TRPM6: variants seen among roughly 807,000 people sequenced by gnomAD.
The protein encoded by TRPM6 is channel kinase 2.
In TRPM6, 111 loss-of-function variants were observed where a neutral mutation model predicts 247.6. The observed-to-expected ratio is 0.45, with a 90% CI of 0.38 to 0.52. The LOEUF (loss-of-function observed/expected upper bound fraction) is 0.52. TRPM6 is among the 20% of genes least tolerant of loss of function. The probability of loss-of-function intolerance (pLI) is 0.00; values close to 1 mark genes in which losing one functional copy is unlikely to be tolerated. For missense variants in TRPM6, 2,126 were observed against 2,421.5 expected, an observed-to-expected ratio of 0.88 and a Z score of 2.56; for synonymous variants, 892 against 853.8, an observed-to-expected ratio of 1.04 and a Z score of -0.78.
chr9:74,787,552 G>A (rs1480188776), intron 20 of TRPM6, among the ~76,000 whole-genome samples: 5 of 151,802 alleles, frequency 3.3e-5, no homozygotes, highest in Non-Finnish European at 5.9e-5. Flanking sequence ...AGGCAACATA[G>A]GTATAATTAC....
At chr9:74,791,766 T>C (rs1827906910) in intron 19 of TRPM6, among the ~76,000 whole-genome samples, 1 of 152,026 alleles carries the variant, frequency 6.6e-6, no homozygotes, top group African/African-American at 2.4e-5. Context: ...GCTGATTTTC[T>C]TTTTTTTGAG....
At position 74,762,100 on chromosome 9, in the gene TRPM6, G is replaced by T. The variant is rs1403720401; in HGVS notation, c.4571C>A (p.Ser1524Tyr). Residue 1524 changes from serine (S) to tyrosine (Y), a missense_variant, in exon 26 of 39, where the codon TCC becomes TAC. This residue lies in a region of TRPM6 where 717 missense variants were observed against 715.9 expected (regional missense o/e 1.00). Coordinates refer to ENST00000360774, the MANE Select transcript of TRPM6 (RefSeq NM_017662.5). ...EVGPWLQPNT[S>Y]FWINPLRRYR... is the part of the protein sequence containing the mutation. ...TCTGCGGAGAGGATTGATCCAAAAGGATGTGTTTGGCTGAAGCCATGGTCC... is the reference window on the plus strand; with the variant it reads ...TCTGCGGAGAGGATTGATCCAAAAGTATGTGTTTGGCTGAAGCCATGGTCC... 1 of 1,614,056 alleles carries T rather than the reference G, an allele frequency of 6.2e-7. No individual in the cohort carries two copies. The highest frequency in any genetic ancestry group is 8.5e-7 in the Non-Finnish European group (1 of 1,180,032).
intron 11 of TRPM6, among the ~76,000 whole-genome samples, chr9:74,815,338 G>A (rs1174423811): frequency 1.3e-5 from 2 of 152,156 alleles, no homozygotes; most frequent in Non-Finnish European, 2.9e-5. Context: ...GAAATTCTGG[G>A]TGCTGGAAAC....
At chr9:74,726,494 G>A (rs1052998613) in intron 38 of TRPM6, among the ~76,000 whole-genome samples, 11 of 152,100 alleles carry the variant, frequency 7.2e-5, no homozygotes, top group African/African-American at 2.7e-4. Flanking sequence ...TGGATGACAA[G>A]AGCAAAACTC....
intron 4 of TRPM6, among the ~76,000 whole-genome samples, chr9:74,841,037 A>G (rs1829921143): frequency 6.6e-6 from 1 of 152,154 alleles, no homozygotes; most frequent in South Asian, 2.1e-4. Flanking sequence ...TAGAGCATGG[A>G]CATTTAATTT....
rs200618382 is a variant in TRPM6, at chr9:74,771,838, A to G, written c.3404-3T>C. On this transcript the variant is annotated splice_polypyrimidine_tract_variant and splice_region_variant and intron_variant, in intron 24 of 38. Coordinates refer to ENST00000360774, the MANE Select transcript of TRPM6 (RefSeq NM_017662.5). ...ATCCTCCTTACTGAGGTAGAGTTCT[A>G]TAGAAATAAGTATGAAACACAGAAA... 19 of 1,613,596 alleles carry G rather than the reference A, an allele frequency of 1.2e-5. No individual in the cohort carries two copies. Among genetic ancestry groups the G allele is most frequent in the Non-Finnish European group, 1.4e-5 (17 of 1,179,660 alleles).
At chr9:74,756,963 G>A (rs1421497988) in intron 27 of TRPM6, among the ~76,000 whole-genome samples, 4 of 151,624 alleles carry the variant, frequency 2.6e-5, no homozygotes, top group East Asian at 2.0e-4. Flanking sequence ...TTTGGGAGGT[G>A]AGGTGGGCAG....
intron 29 of TRPM6, among the ~76,000 whole-genome samples, chr9:74,751,482 T>C (rs1453879338): frequency 6.6e-6 from 1 of 152,244 alleles, no homozygotes; most frequent in East Asian, 1.9e-4. Context: ...CTTTCACAGA[T>C]GCTATTCCTA....
chr9:74,749,945 T>C (rs1005571818), intron 30 of TRPM6, among the ~76,000 whole-genome samples: 2 of 152,198 alleles, frequency 1.3e-5, no homozygotes, highest in African/African-American at 4.8e-5. Flanking sequence ...ATAGAGTAGA[T>C]GGTTTTGAAT....
Position 74,792,484 on chromosome 9 carries a change from C to T in TRPM6, c.2538+140G>A, listed in dbSNP as rs574963193. On this transcript the variant is annotated intron_variant, in intron 19 of 38. Transcript: ENST00000360774. ...TGCCTTCCTCCAGTCCTCTTTGCTA[C>T]CTACTTTGTCATGCCCTCACTTTTT... The T allele has an allele frequency of 1.7e-4, 154 of 886,488 alleles. No individual in the cohort carries two copies. The African/African-American group carries it at 2.2e-3, about 13-fold the overall frequency. The allele number at this position is 886,488 out of a possible 1,614,324, so 54.9% of individuals were successfully genotyped here.
At chr9:74,741,852 T>C (rs1037049929) in intron 33 of TRPM6, among the ~76,000 whole-genome samples, 1 of 151,684 alleles carries the variant, frequency 6.6e-6, no homozygotes, top group Admixed American at 6.6e-5. Context: ...ATCCCGCCAT[T>C]GCACTCCAGC....
At chr9:74,778,715 C>A (rs549765667) in intron 23 of TRPM6, among the ~76,000 whole-genome samples, 1 of 152,274 alleles carries the variant, frequency 6.6e-6, no homozygotes, top group Non-Finnish European at 1.5e-5. Context: ...AGACTTGGCT[C>A]CCACTCAAAA....
At chr9:74,887,615 T>C in intron 1 of TRPM6, 1 of 1,541,320 alleles carries the variant, frequency 6.5e-7, no homozygotes, top group South Asian at 1.2e-5. Context: ...ACCTGCCCTG[T>C]AGTAGCGTAC....
At position 74,785,271 on chromosome 9, in the gene TRPM6, G is replaced by A. The variant is rs576129828; in HGVS notation, c.2919+603C>T. Among the ~76,000 whole-genome samples the A allele has an allele frequency of 1.1e-4, 16 of 152,222 alleles. No homozygotes were observed. The East Asian group carries it at 2.3e-3, about 22-fold the overall frequency. ...CCTTGAGCCCAACAGTTCAAATCTA[G>A]CCTGCACAACATAGCATCTTTACAA... On this transcript the variant is annotated intron_variant, in intron 21 of 38. Transcript: ENST00000360774.
chr9:74,771,207 A>G (rs1827022683), intron 25 of TRPM6, among the ~76,000 whole-genome samples: 1 of 152,160 alleles, frequency 6.6e-6, no homozygotes, highest in Non-Finnish European at 1.5e-5. Flanking sequence ...ATGCCCTCAG[A>G]GCGACCTTCT....
In TRPM6 at chr9:74,877,118, G is replaced by T. The variant is rs1831217070; in HGVS notation, c.33+10706C>A. Among the ~76,000 whole-genome samples, 5 of 152,278 alleles carry T rather than the reference G, an allele frequency of 3.3e-5. No individual in the cohort carries two copies. In the South Asian group the frequency reaches 1.0e-3, roughly 32 times the overall value. ...ACTGGAATTATCATGGATTGCTGGT[G>T]ATTATGTAAAATAATACAGTTGCTT... On this transcript the variant is annotated intron_variant, in intron 1 of 38. Coordinates refer to ENST00000360774, the MANE Select transcript of TRPM6 (RefSeq NM_017662.5).
chr9:74,833,927 A>C, intron 6 of TRPM6, 71 bp downstream of exon 6: 2 of 1,590,382 alleles, frequency 1.3e-6, no homozygotes, highest in Non-Finnish European at 1.7e-6. Flanking sequence ...TTAGACATCC[A>C]GGTACAGTGT....
intron 28 of TRPM6, among the ~76,000 whole-genome samples, chr9:74,752,841 C>T (rs988496098): frequency 1.4e-4 from 21 of 152,040 alleles, no homozygotes; most frequent in Admixed American, 5.9e-4. Context: ...GGCCAGGCGC[C>T]GTGGCTCACA....
intron 24 of TRPM6, 57 bp from the exon 25 acceptor site, chr9:74,771,892 G>C: frequency 2.6e-6 from 4 of 1,539,890 alleles, no homozygotes; most frequent in Non-Finnish European, 3.6e-6. Context: ...GGGCATGAGT[G>C]GCTTTTCTTC....
Sources: gnomAD v4.1 joint callset for allele counts (sites outside exome capture counted in the v4.1 genomes callset) on GRCh38, gnomAD v4.1.1 for gene constraint, gnomAD v4.1.1 regional missense constraint, MANE v1.5 for transcripts, NCBI Gene and HGNC (gene_info 2026-07-23, HGNC 2026-07-21) for gene names.